Variants in TNC observed in about 807,000 individuals in gnomAD.
TNC encodes the protein tenascin C.
A neutral mutation model predicts 202.4 loss-of-function variants in TNC; 109 were observed. That is an observed-to-expected ratio of 0.54 (90% CI 0.46 to 0.63). The LOEUF (loss-of-function observed/expected upper bound fraction) is 0.63. Among genes scored for constraint, TNC ranks in the 30% least tolerant of loss-of-function variants. The probability of loss-of-function intolerance (pLI) is 0.00; values close to 1 mark genes in which losing one functional copy is unlikely to be tolerated. For synonymous variants in TNC, 1,007 were observed against 1,089.7 expected, an observed-to-expected ratio of 0.92 and a Z score of 1.50; for missense variants, 2,756 against 2,833.3, an observed-to-expected ratio of 0.97 and a Z score of 0.62.
intron 15 of TNC, among the ~76,000 whole-genome samples, chr9:115,049,507 C>T (rs1300989838): frequency 1.3e-5 from 2 of 152,096 alleles, no homozygotes; most frequent in African/African-American, 4.8e-5. Context: ...AGCTGAGATA[C>T]AATCAGGTCT....
intron 10 of TNC, 73 bp from the exon 11 acceptor site, chr9:115,064,992 C>A: frequency 6.5e-7 from 1 of 1,538,382 alleles, no homozygotes. Context: ...CTGGGAATGG[C>A]AAACCCAATG....
At chr9:115,069,050 G>T (rs1004963827) in intron 10 of TNC, among the ~76,000 whole-genome samples, 3 of 152,144 alleles carry the variant, frequency 2.0e-5, no homozygotes, top group Admixed American at 6.5e-5. Context: ...CTATACACCG[G>T]CATCGCCTGA....
Position 115,090,696 on chromosome 9 carries a change from C to T in TNC, c.323G>A (p.Arg108His), listed in dbSNP as rs151119387. Reference protein sequence around the residue: ...IVFTHRINIPRRACGCAAAPD... With the variant: ...IVFTHRINIPHRACGCAAAPD... ...GGCTGCGGCACAGCCACAGGCCCGG[C>T]GGGGGATGTTGATGCGATGTGTGAA... The change falls in exon 2 of 28, where the codon CGC becomes CAC. Residue 108 changes from arginine (R) to histidine (H), a missense_variant. Arg to His is a conservative substitution (Grantham distance 29). This residue lies in a region of TNC where 2,559 missense variants were observed against 2,546.0 expected (regional missense o/e 1.01). Transcript: ENST00000350763. 2.3e-4 allele frequency: 370 copies of T among 1,614,148 alleles called. No individual in the cohort carries two copies. Among genetic ancestry groups the T allele is most frequent in the Non-Finnish European group, 2.8e-4 (334 of 1,179,986 alleles).
chr9:115,026,575 G>A lies in TNC; in HGVS notation c.6290C>T (p.Thr2097Ile). Residue 2097 changes from threonine (T) to isoleucine (I), a missense_variant, in exon 26 of 28, where the codon ACT becomes ATT. Physicochemically the swap from Thr to Ile is moderately conservative, Grantham distance 89. Transcript: ENST00000350763. ...CCCCTCCACCTTCAGCTTGTAGCGA[G>A]TCTTGGCATCTCCCACGCTGAACTT... The part of the protein sequence containing the change: ...YDKFSVGDAK[T>I]RYKLKVEGYS... 1 of 1,614,084 alleles carries A rather than the reference G, an allele frequency of 6.2e-7. No individual in the cohort carries two copies.
At position 115,042,686 on chromosome 9, in the gene TNC, C is replaced by T. The variant is rs79764669; in HGVS notation, c.5126-345G>A. 3.9e-5 allele frequency among the ~76,000 whole-genome samples: 6 copies of T among 152,268 alleles called. No homozygotes were observed. In the East Asian group the frequency reaches 1.2e-3, roughly 29 times the overall value. ...TTTTTAACATTTTCTTAAATCTTTG[C>T]TTTCTAGTTCCTTTTATTAAATAAT... is the stretch of plus-strand genomic sequence containing the variant. On this transcript the variant is annotated intron_variant, in intron 17 of 27. Coordinates refer to ENST00000350763, the MANE Select transcript of TNC (RefSeq NM_002160.4).
chr9:115,049,440 TA>T (rs1010234943), intron 15 of TNC, among the ~76,000 whole-genome samples: 14 of 152,004 alleles, frequency 9.2e-5, no homozygotes, highest in African/African-American at 2.7e-4. Flanking sequence ...CGATCACATC[TA>T]AAAAAACCAG....
At chr9:115,084,088 C>A in intron 4 of TNC, 121 bp downstream of exon 4, 1 of 1,077,402 alleles carries the variant, frequency 9.3e-7, no homozygotes, top group Non-Finnish European at 1.3e-6. Flanking sequence ...TAATTCTAGG[C>A]TCTTATTTGG....
At chr9:115,059,709 A>G in intron 14 of TNC, 21 bp downstream of exon 14, 1 of 1,556,578 alleles carries the variant, frequency 6.4e-7, no homozygotes, top group Non-Finnish European at 8.7e-7. Context: ...GGGAGAAAGC[A>G]TTGACAGGGA....
At position 115,019,721 on chromosome 9, in the gene TNC, G is replaced by A. The variant is rs1488486230; in HGVS notation, c.*1436C>T. On this transcript the variant is annotated 3_prime_UTR_variant, in exon 28 of 28. Coordinates refer to ENST00000350763, the MANE Select transcript of TNC (RefSeq NM_002160.4). ...ATATACACCGGGTACCATTCTAAGG[G>A]CCTCAAATGGATAACATAATTTATT... 4 of 152,162 alleles carry A rather than the reference G, an allele frequency of 2.6e-5. No individual in the cohort carries two copies. Among genetic ancestry groups the A allele is most frequent in the Non-Finnish European group, 5.9e-5 (4 of 68,028 alleles). 9.4% of individuals were successfully genotyped at this position (152,162 alleles called of 1,614,324 possible).
At chr9:115,058,220 A>G (rs933148106) in intron 14 of TNC, among the ~76,000 whole-genome samples, 5 of 152,206 alleles carry the variant, frequency 3.3e-5, no homozygotes, top group African/African-American at 1.2e-4. Flanking sequence ...CAACCATAAG[A>G]ATAAAACATG....
intron 23 of TNC, 76 bp from the exon 24 acceptor site, chr9:115,030,481 A>G: frequency 7.0e-7 from 1 of 1,435,622 alleles, no homozygotes; most frequent in Non-Finnish European, 9.4e-7. Flanking sequence ...GCTTAACTCT[A>G]TGGACTAGAA....
chr9:115,035,799 T>G (rs879344028), intron 21 of TNC: 10 of 334,044 alleles, frequency 3.0e-5, no homozygotes, highest in Non-Finnish European at 5.4e-5. Flanking sequence ...GCCTGGAACG[T>G]GGATCATTAA....
At chr9:115,026,220 A>T (rs1167253514) in intron 26 of TNC, among the ~76,000 whole-genome samples, 1 of 150,774 alleles carries the variant, frequency 6.6e-6, no homozygotes, top group East Asian at 1.9e-4. Flanking sequence ...CCTTTGGGGA[A>T]TTTTTTTTTT....
intron 6 of TNC, among the ~76,000 whole-genome samples, chr9:115,080,615 T>C (rs1205200758): frequency 1.3e-5 from 2 of 152,160 alleles, no homozygotes; most frequent in African/African-American, 4.8e-5. Flanking sequence ...ATTTTTTTCT[T>C]TTTAAAAAAT....
rs1830305900 is a variant in TNC at position 115,036,119 on chromosome 9, T to G, written c.5635A>C (p.Ile1879Leu). ...AEKGPQKSST[I>L]TAKFTTDLDS... Reference sequence around the variant, plus strand: ...GTACCTGTTGTGAACTTGGCAGTGATGGTTGAGCTCTTCTGGGGCCCTTTC... The same window carrying G: ...GTACCTGTTGTGAACTTGGCAGTGAGGGTTGAGCTCTTCTGGGGCCCTTTC... Residue 1879 changes from isoleucine (I) to leucine (L), a missense_variant, in exon 21 of 28, where the codon ATC (isoleucine) becomes CTC (leucine). Physicochemically the swap from Ile to Leu is conservative, Grantham distance 5 (BLOSUM62 2). Transcript: ENST00000350763. 1.2e-6 allele frequency: 2 copies of G among 1,614,040 alleles called. No individual in the cohort carries two copies. The highest frequency in any genetic ancestry group is 2.7e-5 in the African/African-American group (2 of 74,926).
At chr9:115,048,678 T>G in intron 15 of TNC, 146 bp from the exon 16 acceptor site, 4 of 803,446 alleles carry the variant, frequency 5.0e-6, no homozygotes, top group Non-Finnish European at 7.7e-6. Flanking sequence ...CAGTAAGAAC[T>G]TATTGGGTGC....
chr9:115,036,018 G>T (rs1830294852), intron 21 of TNC, 80 bp downstream of exon 21: 1 of 1,550,260 alleles, frequency 6.5e-7, no homozygotes, highest in Non-Finnish European at 8.8e-7. Flanking sequence ...AGAAGAACTG[G>T]CTAGCGGTTC....
intron 25 of TNC, 116 bp downstream of exon 25, chr9:115,029,244 C>A: frequency 4.9e-6 from 4 of 817,752 alleles, no homozygotes; most frequent in Non-Finnish European, 6.1e-6. Flanking sequence ...TGTCTGCCAC[C>A]AGAAGTAGTT....
In TNC at chr9:115,086,041, G is replaced by T. The variant is rs758019072; in HGVS notation, c.1690C>A (p.Pro564Thr). 12 of 1,614,204 alleles carry T rather than the reference G, an allele frequency of 7.4e-6. No individual in the cohort carries two copies. In the Admixed American group the frequency reaches 1.8e-4, roughly 25 times the overall value. The change falls in exon 3 of 28, where the codon CCC becomes ACC. Residue 564 changes from proline (P) to threonine (T), a missense_variant. Physicochemically the swap from Pro to Thr is conservative, Grantham distance 38. Transcript: ENST00000350763. ...MGKDCKEQRC[P>T]SDCHGQGRCV... is the part of the protein sequence containing the mutation. The stretch of plus-strand genomic sequence containing the variant: ...CGGCCCTGGCCATGACAGTCACTGG[G>T]ACATCTTTGCTCCTTGCAGTCTTTG...
Sources: gnomAD v4.1 joint callset for allele counts (sites outside exome capture counted in the v4.1 genomes callset) on GRCh38, gnomAD v4.1.1 for gene constraint, gnomAD v4.1.1 regional missense constraint, MANE v1.5 for transcripts, NCBI Gene and HGNC (gene_info 2026-07-23, HGNC 2026-07-21) for gene names.